Variants in AKR1C3 observed in about 807,000 individuals in gnomAD.
The protein encoded by AKR1C3 is 3-alpha hydroxysteroid dehydrogenase, type II.
A neutral mutation model predicts 43.6 loss-of-function variants in AKR1C3; 48 were observed. That is an observed-to-expected ratio of 1.10 (90% CI 0.87 to 1.40). The LOEUF (loss-of-function observed/expected upper bound fraction) is 1.40, where lower values mean the gene tolerates loss of function less well. Ranked by LOEUF, AKR1C3 falls within the 40% of genes most tolerant of loss-of-function variation. AKR1C3 has a pLI of 0.00. For missense variants in AKR1C3, 482 were observed against 391.2 expected, an observed-to-expected ratio of 1.23 and a Z score of -1.96; for synonymous variants, 162 against 139.6, an observed-to-expected ratio of 1.16 and a Z score of -1.13.
rs527670990 is a variant in AKR1C3, at chr10:5,085,460, C to T, written c.85-10950C>T. Among the ~76,000 whole-genome samples the T allele has an allele frequency of 5.0e-3, 766 of 151,930 alleles. 7 individuals are homozygous for T. Among genetic ancestry groups the T allele is most frequent in the Non-Finnish European group, 7.5e-3 (513 of 68,030 alleles). On this transcript the variant is annotated intron_variant, in intron 1 of 8. Transcript: ENST00000439082. ...TATGGTGGATAAGCTTTTTGATGTGCTGCTGGATTCGGTTTGCCAGTATTT... is the reference window on the plus strand; with the variant it reads ...TATGGTGGATAAGCTTTTTGATGTGTTGCTGGATTCGGTTTGCCAGTATTT...
intron 1 of AKR1C3, among the ~76,000 whole-genome samples, chr10:5,087,678 T>G (rs1464363975): frequency 1.3e-5 from 2 of 152,076 alleles, no homozygotes; most frequent in Non-Finnish European, 2.9e-5. Flanking sequence ...CAGCCTCACC[T>G]TTATCTTTTC....
chr10:5,093,200 T>C (rs1392032426), upstream of AKR1C3, among the ~76,000 whole-genome samples: 2 of 152,106 alleles, frequency 1.3e-5, no homozygotes, highest in African/African-American at 4.8e-5. Context: ...ACTACATTTC[T>C]ACTCAGCACC....
chr10:5,056,955 C>T (rs1838274426), intron 1 of AKR1C3, among the ~76,000 whole-genome samples: 1 of 152,202 alleles, frequency 6.6e-6, no homozygotes. Context: ...ACTGAGAAGG[C>T]TGCACCAGTG....
intron 5 of AKR1C3, 43 bp downstream of exon 5, chr10:5,099,492 C>T (rs782312562): frequency 1.9e-6 from 3 of 1,613,416 alleles, no homozygotes; most frequent in Middle Eastern, 1.6e-4. Flanking sequence ...CTTCATGCCC[C>T]CTCTTCCTGT....
At chr10:5,083,243 C>T (rs1838875510) in intron 1 of AKR1C3, among the ~76,000 whole-genome samples, 1 of 151,846 alleles carries the variant, frequency 6.6e-6, no homozygotes, top group African/African-American at 2.4e-5. Context: ...CACCCCACAA[C>T]AGTCCCCCAG....
upstream of AKR1C3, chr10:5,094,325 G>T: frequency 2.8e-6 from 3 of 1,067,784 alleles, no homozygotes; most frequent in Non-Finnish European, 2.7e-6. Context: ...CCTCCTACAT[G>T]CCATTGGTTA....
intron 1 of AKR1C3, among the ~76,000 whole-genome samples, chr10:5,086,728 A>T (rs1271771442): frequency 6.6e-6 from 1 of 152,066 alleles, no homozygotes; most frequent in East Asian, 1.9e-4. Context: ...TTTGTAGGTC[A>T]CTAAGGACTT....
chr10:5,107,362 A>G, intron 8 of AKR1C3, 99 bp from the exon 9 acceptor site: 1 of 856,808 alleles, frequency 1.2e-6, no homozygotes, highest in Non-Finnish European at 1.9e-6. Flanking sequence ...TAGTCAGACA[A>G]CTTAACATTC....
At chr10:5,073,127 C>A (rs2131806515) in intron 1 of AKR1C3, among the ~76,000 whole-genome samples, 1 of 152,116 alleles carries the variant, frequency 6.6e-6, no homozygotes, top group East Asian at 1.9e-4. Context: ...CCCCACCCAG[C>A]TAATTTTTGT....
chr10:5,101,938 T>C (rs552053423), intron 5 of AKR1C3, among the ~76,000 whole-genome samples, 163 bp from the exon 6 acceptor site: 4 of 152,350 alleles, frequency 2.6e-5, no homozygotes, highest in Non-Finnish European at 4.4e-5. Context: ...TTAGAAGATA[T>C]ATAAAATTTA....
In AKR1C3 at chr10:5,099,360, A is replaced by G. The variant is rs550049225; in HGVS notation, c.481A>G (p.Lys161Glu). 1.2e-6 allele frequency: 2 copies of G among 1,614,170 alleles called. No homozygotes were observed. Among genetic ancestry groups the G allele is most frequent in the South Asian group, 2.2e-5 (2 of 91,076 alleles). The change falls in exon 5 of 9, where the codon AAG becomes GAG. Residue 161 changes from lysine to glutamate, a missense_variant. Transcript: ENST00000380554. The part of the protein sequence containing the change: ...MEKCKDAGLA[K>E]SIGVSNFNRR... ...GAAGTGTAAGGATGCAGGATTGGCC[A>G]AGTCCATTGGGGTGTCAAACTTCAA...
chr10:5,061,102 C>T (rs58147699), intron 1 of AKR1C3, among the ~76,000 whole-genome samples: 23,858 of 152,216 alleles, frequency 0.16, 2,005 homozygotes, highest in South Asian at 0.24. Context: ...AGTGCAGCGG[C>T]GGGCTGAAGG....
intron 1 of AKR1C3, among the ~76,000 whole-genome samples, chr10:5,094,961 G>A (rs911566851): frequency 1.3e-5 from 2 of 152,008 alleles, no homozygotes; most frequent in African/African-American, 4.8e-5. Flanking sequence ...CAAAACTGTC[G>A]GCAGAGTATC....
Position 5,085,247 on chromosome 10 carries a change from G to C in AKR1C3, c.85-11163G>C, listed in dbSNP as rs551565141. ...TAGCTCTTATTATTTTGAGATATGT[G>C]CCATCAATACCTAATTTATTGAGAG... On this transcript the variant is annotated intron_variant, in intron 1 of 8. Transcript: ENST00000439082. 3.8e-3 allele frequency among the ~76,000 whole-genome samples: 578 copies of C among 151,892 alleles called. 2 individuals are homozygous for C. Among genetic ancestry groups the C allele is most frequent in the South Asian group, 0.023 (109 of 4,788 alleles).
chr10:5,093,468 T>C (rs1554784642), upstream of AKR1C3: 1 of 152,100 alleles, frequency 6.6e-6, no homozygotes. Context: ...TGATAATGTA[T>C]TGTGCAAACT....
At chr10:5,104,224 GTAATTCTCTTTACTTA>G (rs1451972712) in intron 7 of AKR1C3, among the ~76,000 whole-genome samples, 1 of 151,932 alleles carries the variant, frequency 6.6e-6, no homozygotes, top group Non-Finnish European at 1.5e-5. Context: ...TGCAAAATTG[GTAATTCTCTTTACTTA>G]TAAATTAGTT....
chr10:5,058,165 GGA>G (rs1360174249), intron 1 of AKR1C3, among the ~76,000 whole-genome samples: 15 of 152,120 alleles, frequency 9.9e-5, no homozygotes. Context: ...AATAGGAAGG[GGA>G]GTTATAGGGA....
chr10:5,055,232 A>G (rs1838235293), intron 1 of AKR1C3, among the ~76,000 whole-genome samples: 1 of 152,236 alleles, frequency 6.6e-6, no homozygotes, highest in Non-Finnish European at 1.5e-5. Context: ...ATATAGGTTA[A>G]GGTCAGGATT....
chr10:5,099,301 A>C, intron 4 of AKR1C3, 26 bp from the exon 5 acceptor site: 1 of 1,613,898 alleles, frequency 6.2e-7, no homozygotes, highest in Non-Finnish European at 8.5e-7. Context: ...TGCACAAATA[A>C]TTCCTCACAA....
Sources: allele counts gnomAD v4.1 joint callset (sites outside exome capture counted in the v4.1 genomes callset), GRCh38; gene constraint gnomAD v4.1.1; transcripts MANE v1.5; gene names NCBI Gene and HGNC (gene_info 2026-07-23, HGNC 2026-07-21).